The following MAN1C1 variants were observed in gnomAD, a reference collection of about 807,000 sequenced individuals.
The protein encoded by MAN1C1 is mannosyl-oligosaccharide 1,2-alpha-mannosidase IC.
Under a neutral mutation model 71.5 loss-of-function variants are expected in MAN1C1, and 49 were observed. The observed-to-expected ratio is 0.69, with a 90% CI of 0.54 to 0.87. MAN1C1 has a LOEUF of 0.87. Ranked by LOEUF, MAN1C1 falls within the 40% of genes least tolerant of loss-of-function variation. The pLI is 0.00. For missense variants in MAN1C1, 743 were observed against 835.0 expected (o/e 0.89, Z 1.36); for synonymous variants, 352 against 343.7 (o/e 1.02, Z -0.27).
chr1:25,654,156 A>AC (rs1435855464), intron 1 of MAN1C1: 4 of 152,242 alleles, frequency 2.6e-5, no homozygotes, highest in African/African-American at 9.7e-5. Flanking sequence ...TCATCCCCCA[A>AC]CCCGAGTCAC....
At chr1:25,691,880 G>A (rs551821303) in intron 2 of MAN1C1, among the ~76,000 whole-genome samples, 4 of 152,140 alleles carry the variant, frequency 2.6e-5, no homozygotes, top group East Asian at 1.9e-4. Context: ...GGCCAATGGG[G>A]GTCAGCTGGC....
At position 25,730,592 on chromosome 1, in the gene MAN1C1, G is replaced by A. The variant is rs985016038; in HGVS notation, c.638-16076G>A. Among the ~76,000 whole-genome samples the A allele has an allele frequency of 6.6e-6, 1 of 152,162 alleles. No homozygotes were observed. Among genetic ancestry groups the A allele is most frequent in the Non-Finnish European group, 1.5e-5 (1 of 68,034 alleles). ...GGAAATTGAACTGTGTGTTTTCTCT[G>A]AAGCGGAGAGCTGTCTCCTGGGCCG... is the stretch of plus-strand genomic sequence containing the variant. On this transcript the variant is annotated intron_variant, in intron 2 of 11. Transcript: ENST00000374332. The surrounding 1 kb of genome is among the most constrained non-coding windows in gnomAD (Gnocchi z 4.3).
At position 25,660,396 on chromosome 1, in the gene MAN1C1, CTTTTTTTTTTT is replaced by C. The variant is rs1178878513; in HGVS notation, c.541-26026_541-26016del. The stretch of plus-strand genomic sequence containing the variant: ...AGCTTGGGCAACAAGAGTGAAATTC[CTTTTTTTTTTT>C]TTTTTTTTTTTTTTTTTGAGTGTCG... On this transcript the variant is annotated intron_variant, in intron 1 of 11. Transcript: ENST00000374332. Among the ~76,000 whole-genome samples, 120 of 97,632 alleles carry C rather than the reference CTTTTTTTTTTT, an allele frequency of 1.2e-3. 1 individual carries two copies. The highest frequency in any genetic ancestry group is 5.0e-3 in the Middle Eastern group (1 of 200). The allele number at this position is 97,632 out of a possible 152,430, so 64.1% of individuals were successfully genotyped here. A position where few individuals can be genotyped will look rare whatever the true frequency, so the allele number is the denominator to read the frequency against.
Position 25,730,017 on chromosome 1 carries a change from G to A in MAN1C1, c.638-16651G>A, listed in dbSNP as rs1307535838. ...TTACTTGCTGTTTTGCTGGGAAATT[G>A]CTTACTGTCTTTCTGAGAAAGCAGC... On this transcript the variant is annotated intron_variant, in intron 2 of 11. Transcript: ENST00000374332. The surrounding 1 kb of genome is among the most constrained non-coding windows in gnomAD (Gnocchi z 4.3). Among the ~76,000 whole-genome samples, 1 of 152,108 alleles carries A rather than the reference G, an allele frequency of 6.6e-6. No individual in the cohort carries two copies. Among genetic ancestry groups the A allele is most frequent in the Non-Finnish European group, 1.5e-5 (1 of 68,026 alleles).
intron 2 of MAN1C1, among the ~76,000 whole-genome samples, chr1:25,705,695 CA>C (rs2046511946): frequency 6.6e-6 from 1 of 152,184 alleles, no homozygotes; most frequent in Non-Finnish European, 1.5e-5. Context: ...CCTGTAATAC[CA>C]ACACTTTAGG....
chr1:25,622,912 C>T (rs1481154220), intron 1 of MAN1C1, among the ~76,000 whole-genome samples: 1 of 152,148 alleles, frequency 6.6e-6, no homozygotes, highest in Non-Finnish European at 1.5e-5. Context: ...GTGCCAGGGA[C>T]AGGTAGGAAA....
rs188204237 is a variant in MAN1C1, at chr1:25,735,958, G to A, written c.638-10710G>A. Among the ~76,000 whole-genome samples, 113 of 152,280 alleles carry A rather than the reference G, an allele frequency of 7.4e-4. 1 individual carries two copies. Among genetic ancestry groups the A allele is most frequent in the African/African-American group, 2.5e-3 (103 of 41,532 alleles). ...GAAAAGCACAAGGTTAATGGGATAG[G>A]GATATTTACTCCTCCCAAGGAGGGA... On this transcript the variant is annotated intron_variant, in intron 2 of 11. Coordinates refer to ENST00000374332, the MANE Select transcript of MAN1C1 (RefSeq NM_020379.4). This position sits in a 1 kb window ranked among gnomAD's most constrained non-coding sequence, Gnocchi z 4.6.
At chr1:25,781,750 A>G (rs2047698703) in intron 10 of MAN1C1, among the ~76,000 whole-genome samples, 2 of 149,896 alleles carry the variant, frequency 1.3e-5, no homozygotes, top group African/African-American at 2.5e-5. Flanking sequence ...GGTCCAGGGC[A>G]TGCTCAGGTT....
At chr1:25,761,427 A>G (rs1304281614) in intron 6 of MAN1C1, 1 of 152,100 alleles carries the variant, frequency 6.6e-6, no homozygotes, top group Non-Finnish European at 1.5e-5. Flanking sequence ...ATACTTAAGC[A>G]TTCTGAATAC....
intron 1 of MAN1C1, among the ~76,000 whole-genome samples, chr1:25,638,124 CCTT>C (rs1436717192): frequency 2.6e-5 from 4 of 151,730 alleles, no homozygotes; most frequent in South Asian, 4.2e-4. Flanking sequence ...CCTTTTCATG[CCTT>C]CTTTTGAATT....
rs746317826 is a variant in MAN1C1 at position 25,618,219 on chromosome 1, T to C, written c.422T>C (p.Phe141Ser). 4.4e-6 allele frequency: 7 copies of C among 1,597,874 alleles called. No homozygotes were observed. The highest frequency in any genetic ancestry group is 6.0e-6 in the Non-Finnish European group (7 of 1,175,048). Residue 141 changes from phenylalanine to serine, a missense_variant, in exon 1 of 12, where the codon TTC (phenylalanine) becomes TCC (serine). Coordinates refer to ENST00000374332, the MANE Select transcript of MAN1C1 (RefSeq NM_020379.4). ...ASRPGDEGVPFRFDFNAFRSR... is the reference protein window; with the variant it reads ...ASRPGDEGVPSRFDFNAFRSR... ...AGGCCCGGGGACGAGGGCGTCCCTT[T>C]CCGCTTTGACTTCAACGCATTCCGG...
intron 2 of MAN1C1, among the ~76,000 whole-genome samples, chr1:25,704,865 C>T (rs926862192): frequency 4.6e-5 from 7 of 152,194 alleles, no homozygotes; most frequent in Non-Finnish European, 7.3e-5. Flanking sequence ...AGTTGGTTTC[C>T]GTGGGACGGA....
intron 1 of MAN1C1, among the ~76,000 whole-genome samples, chr1:25,621,930 G>A (rs1440048635): frequency 6.6e-6 from 1 of 152,110 alleles, no homozygotes; most frequent in East Asian, 1.9e-4. Context: ...CGCCTGGCCA[G>A]TGCTTGGTTG....
At chr1:25,630,055 GT>G (rs1423603474) in intron 1 of MAN1C1, among the ~76,000 whole-genome samples, 1 of 151,864 alleles carries the variant, frequency 6.6e-6, no homozygotes, top group Admixed American at 6.6e-5. Flanking sequence ...CTCATCCTGA[GT>G]TTTTTTTGTA....
In MAN1C1 at chr1:25,763,949, A is replaced by T; in HGVS notation, c.1123A>T (p.Ser375Cys). 1 of 1,613,698 alleles carries T rather than the reference A, an allele frequency of 6.2e-7. No individual in the cohort carries two copies. The highest frequency in any genetic ancestry group is 8.5e-7 in the Non-Finnish European group (1 of 1,179,828). Residue 375 changes from serine to cysteine, a missense_variant, in exon 7 of 12, where the codon AGT becomes TGT. Ser to Cys is a moderately radical substitution (Grantham distance 112). Transcript: ENST00000374332. ...CTACCCCAACTTCCTCAGCCCAGTG[A>T]GTGGGAACTGGGTGCAACGTGAGTA... ...GLYPNFLSPVSGNWVQHHVSV... is the reference protein window; with the variant it reads ...GLYPNFLSPVCGNWVQHHVSV...
chr1:25,727,109 G>C (rs1283266028), intron 2 of MAN1C1, among the ~76,000 whole-genome samples: 1 of 152,080 alleles, frequency 6.6e-6, no homozygotes, highest in Non-Finnish European at 1.5e-5. Context: ...GGCTGTATTA[G>C]ACACATAACC....
chr1:25,621,706 C>T (rs1326500247), intron 1 of MAN1C1, among the ~76,000 whole-genome samples: 6 of 152,052 alleles, frequency 3.9e-5, no homozygotes, highest in Non-Finnish European at 8.8e-5. Context: ...TCACTGCAGC[C>T]TCCGCCTCCC....
At position 25,784,306 on chromosome 1, in the gene MAN1C1, A is replaced by G. The variant is rs1436694770; in HGVS notation, c.*517A>G. 3 of 152,620 alleles carry G rather than the reference A, an allele frequency of 2.0e-5. No homozygotes were observed. Among genetic ancestry groups the G allele is most frequent in the East Asian group, 1.9e-4 (1 of 5,208 alleles). The allele number at this position is 152,620 out of a possible 1,614,324, so 9.5% of individuals were successfully genotyped here. ...ATGCTTTTTGCCCAACACTGACCCT[A>G]TGTTCAACTTTGTGTCATTTACCTT... On this transcript the variant is annotated 3_prime_UTR_variant, in exon 12 of 12. Transcript: ENST00000374332.
intron 2 of MAN1C1, among the ~76,000 whole-genome samples, chr1:25,734,651 C>T (rs1199060553): frequency 6.6e-6 from 1 of 152,152 alleles, no homozygotes; most frequent in African/African-American, 2.4e-5. Flanking sequence ...TTGCCTCTGG[C>T]CAGGGCACTG....
Sources: gnomAD v4.1 joint callset for allele counts (sites outside exome capture counted in the v4.1 genomes callset) on GRCh38, gnomAD v4.1.1 for gene constraint, Gnocchi (gnomAD v3.1) non-coding constraint, MANE v1.5 for transcripts, NCBI Gene and HGNC (gene_info 2026-07-23, HGNC 2026-07-21) for gene names.